TENM1: variants seen among roughly 807,000 people sequenced by gnomAD.
TENM1 encodes the protein teneurin-1.
In TENM1, 35 loss-of-function variants were observed where a neutral mutation model predicts 174.8. The observed-to-expected ratio is 0.20, with a 90% CI of 0.15 to 0.27. The LOEUF is 0.27. Ranked by LOEUF, TENM1 falls within the 10% of genes least tolerant of loss-of-function variation. TENM1 has a pLI of 1.00. For synonymous variants in TENM1, 781 were observed against 798.7 expected, an observed-to-expected ratio of 0.98 and a Z score of 0.37; for missense variants, 1,633 against 2,130.1, an observed-to-expected ratio of 0.77 and a Z score of 4.59.
At chrX:125,067,318 G>A in the TENM1 span, among the ~76,000 whole-genome samples, 1 of 110,720 alleles carries the variant, frequency 9.0e-6, no homozygotes, top group South Asian at 3.8e-4. Flanking sequence ...AGCTCCTCAA[G>A]CATTTTAGAC....
At chrX:124,581,361 G>A (rs138398214) in intron 11 of TENM1, among the ~76,000 whole-genome samples, 1,513 of 111,064 alleles carry the variant, frequency 0.014, 18 homozygotes, top group Middle Eastern at 0.023. Flanking sequence ...CACTGCACCC[G>A]GCCTATTTAG....
intron 3 of TENM1, among the ~76,000 whole-genome samples, chrX:124,795,542 T>C (rs984796953): frequency 1.8e-5 from 2 of 111,712 alleles, no homozygotes; most frequent in Non-Finnish European, 3.8e-5. Context: ...TGATGGTAAG[T>C]GTAATATAGC....
At chrX:125,089,828 A>C in the TENM1 span, among the ~76,000 whole-genome samples, 1 of 111,426 alleles carries the variant, frequency 9.0e-6, no homozygotes, top group Non-Finnish European at 1.9e-5. Context: ...TTGGGAAGGC[A>C]CTTCTGGGGA....
chrX:124,487,111 C>A, intron 21 of TENM1, 98 bp downstream of exon 24: 1 of 870,023 alleles, frequency 1.1e-6, no homozygotes, highest in African/African-American at 2.0e-5. Context: ...ATTCTTTAAC[C>A]TTATTTAGGA....
chrX:124,666,650 T>C lies in TENM1; in HGVS notation c.1168+5033A>G, dbSNP rs370607626. Among the ~76,000 whole-genome samples the C allele has an allele frequency of 2.1e-3, 232 of 111,581 alleles. 1 individual carries two copies. Among genetic ancestry groups the C allele is most frequent in the African/African-American group, 7.1e-3 (218 of 30,677 alleles). On this transcript the variant is annotated intron_variant, in intron 6 of 31. Transcript: ENST00000422452. ...ACCCCTGAAAAGACCAAACACAGAC[T>C]TTTCCCCTATTGCCTGAACCCACTG... is the stretch of plus-strand genomic sequence containing the variant.
intron 3 of TENM1, among the ~76,000 whole-genome samples, chrX:124,878,420 C>T (rs1487979668): frequency 6.4e-5 from 7 of 109,259 alleles, no homozygotes; most frequent in East Asian, 2.9e-4. Context: ...AAATGTGATC[C>T]CCAGTGTTGG....
intron 24 of TENM1, among the ~76,000 whole-genome samples, 154 bp from the exon 28 acceptor site, chrX:124,420,975 T>C (rs1403284080): frequency 1.8e-5 from 2 of 112,445 alleles, no homozygotes; most frequent in South Asian, 3.7e-4. Context: ...ATATGAAGCC[T>C]ATTATTCAAA....
intron 23 of TENM1, among the ~76,000 whole-genome samples, chrX:124,444,933 A>G (rs1038138949): frequency 1.8e-5 from 2 of 111,680 alleles, no homozygotes; most frequent in Non-Finnish European, 1.9e-5. Flanking sequence ...TTTGGTGAAA[A>G]TAATGTGGGC....
intron 5 of TENM1, among the ~76,000 whole-genome samples, chrX:124,683,635 C>A (rs750625771): frequency 4.5e-5 from 5 of 111,979 alleles, no homozygotes; most frequent in Non-Finnish European, 9.4e-5. Context: ...TACTGGGTCA[C>A]ATGTAGCTGA....
At chrX:124,906,287 T>C (rs2057746967) in intron 1 of TENM1, among the ~76,000 whole-genome samples, 1 of 112,077 alleles carries the variant, frequency 8.9e-6, no homozygotes, top group African/African-American at 3.2e-5. Context: ...AAGTATTTTT[T>C]CTGCTGAATG....
At chrX:124,422,489 G>A (rs755395646) in exon 24 of TENM1, 2 of 1,210,977 alleles carry the variant, frequency 1.7e-6, no homozygotes, top group Non-Finnish European at 2.2e-6. Flanking sequence ...GGAAATGATC[G>A]ATGCCTGGCA....
chrX:125,109,616 C>T, the TENM1 span, among the ~76,000 whole-genome samples: 732 of 111,237 alleles, frequency 6.6e-3, 5 homozygotes, highest in Non-Finnish European at 0.011. Flanking sequence ...AGGCATACTT[C>T]ATGGGACAGA....
chrX:125,167,251 A>G, the TENM1 span, among the ~76,000 whole-genome samples: 1 of 112,024 alleles, frequency 8.9e-6, no homozygotes, highest in Non-Finnish European at 1.9e-5. Flanking sequence ...TTGTGAAAAC[A>G]GGAAGCTTGT....
the TENM1 span, among the ~76,000 whole-genome samples, chrX:125,028,079 G>A: frequency 1.8e-5 from 2 of 111,601 alleles, no homozygotes; most frequent in Admixed American, 9.5e-5. Context: ...GGATATTCAT[G>A]CTCTTCGACC....
chrX:124,823,225 A>G (rs1488191690), intron 3 of TENM1, among the ~76,000 whole-genome samples: 6 of 112,252 alleles, frequency 5.3e-5, no homozygotes, highest in Non-Finnish European at 9.4e-5. Flanking sequence ...CTAAAGGGCA[A>G]TAGGCATTGG....
At chrX:124,766,945 A>G (rs1010501080) in intron 3 of TENM1, among the ~76,000 whole-genome samples, 20 of 111,875 alleles carry the variant, frequency 1.8e-4, no homozygotes, top group Non-Finnish European at 3.0e-4. Context: ...TTATTTAATT[A>G]TATGTATTAC....
At chrX:124,951,234 G>T (rs1327578061) in intron 1 of TENM1, among the ~76,000 whole-genome samples, 1 of 111,468 alleles carries the variant, frequency 9.0e-6, no homozygotes, top group Non-Finnish European at 1.9e-5. Flanking sequence ...CCAGTAGTTG[G>T]CATTGATAAA....
At chrX:125,096,197 T>C in the TENM1 span, among the ~76,000 whole-genome samples, 6 of 110,809 alleles carry the variant, frequency 5.4e-5, no homozygotes, top group Non-Finnish European at 1.1e-4. Flanking sequence ...GCTGGAGAGG[T>C]AGGGTGGTTC....
chrX:125,024,476 T>C, the TENM1 span, among the ~76,000 whole-genome samples: 4 of 111,110 alleles, frequency 3.6e-5, 1 homozygote, highest in South Asian at 1.5e-3. Context: ...GATGCCATTA[T>C]CTTAAGTGAA....
Sources: gnomAD v4.1 joint callset for allele counts (sites outside exome capture counted in the v4.1 genomes callset) on GRCh38, gnomAD v4.1.1 for gene constraint, MANE v1.5 for transcripts, NCBI Gene and HGNC (gene_info 2026-07-23, HGNC 2026-07-21) for gene names.